Variants in SPATA31C1 observed in about 807,000 individuals in gnomAD.
The protein encoded by SPATA31C1 is SPATA31 subfamily C member 1, also known as spermatogenesis-associated protein 31C1.
chr9:87,921,690 G>A (rs775125172), exon 5 of SPATA31C1: 35 of 1,611,942 alleles, frequency 2.2e-5, no homozygotes, highest in Admixed American at 1.5e-4. Flanking sequence ...CCAGACCAAC[G>A]AGGGCTTGAT....
rs774188576 is a variant in SPATA31C1, at chr9:87,923,325, C to G, written n.3715C>G. ...CAACAGAGACAGACAAATCAGAGAT[C>G]AGCAGCCCTTGAAAAGTGTCCGGTG... is the stretch of plus-strand genomic sequence containing the variant. On this transcript the variant is annotated non_coding_transcript_exon_variant, in exon 5 of 5. Transcript: ENST00000420021. 6 of 1,602,400 alleles carry G rather than the reference C, an allele frequency of 3.7e-6. No homozygotes were observed. In the South Asian group the frequency reaches 6.6e-5, roughly 18 times the overall value.
intron 1 of SPATA31C1, among the ~76,000 whole-genome samples, chr9:87,915,959 G>C (rs1417204559): frequency 7.0e-6 from 1 of 142,592 alleles, no homozygotes; most frequent in African/African-American, 2.6e-5. Flanking sequence ...GTTATTCAGA[G>C]GGATTATTGC....
chr9:87,919,494 C>A, intron 3 of SPATA31C1, 146 bp downstream of exon 2: 1 of 1,296,290 alleles, frequency 7.7e-7, no homozygotes, highest in Non-Finnish European at 1.0e-6. Context: ...GATTCTGTGC[C>A]GCCGGAATGA....
chr9:87,916,656 C>T (rs1828728200), intron 1 of SPATA31C1, among the ~76,000 whole-genome samples: 1 of 134,938 alleles, frequency 7.4e-6, no homozygotes. Flanking sequence ...AAACTTTTAT[C>T]AGAGGAATGC....
exon 5 of SPATA31C1, chr9:87,923,289 C>CA (rs1185340636): frequency 6.2e-7 from 1 of 1,603,748 alleles, no homozygotes; most frequent in South Asian, 1.1e-5. Context: ...TCTCAAGAAC[C>CA]AGAGTCGTCC....
At chr9:87,920,475 G>A in exon 5 of SPATA31C1, 6 of 1,613,916 alleles carry the variant, frequency 3.7e-6, no homozygotes, top group Non-Finnish European at 5.1e-6. Flanking sequence ...GACCACCTCA[G>A]TCTCCTCCCT....
exon 5 of SPATA31C1, chr9:87,920,357 T>C (rs1261520562): frequency 1.2e-6 from 2 of 1,613,956 alleles, no homozygotes; most frequent in South Asian, 1.1e-5. Flanking sequence ...CCCGGTCCTC[T>C]CATGAGCCTA....
intron 1 of SPATA31C1, among the ~76,000 whole-genome samples, chr9:87,916,219 G>T (rs1179840581): frequency 7.3e-6 from 1 of 136,856 alleles, no homozygotes; most frequent in African/African-American, 2.7e-5. Context: ...ACCAATGGTG[G>T]TCAGATATGA....
In SPATA31C1 at chr9:87,921,016, T is replaced by C. The variant is rs1312046316; in HGVS notation, n.1406T>C. 6.8e-6 allele frequency: 11 copies of C among 1,612,128 alleles called. No homozygotes were observed. In the African/African-American group the frequency reaches 1.1e-4, roughly 16 times the overall value. On this transcript the variant is annotated non_coding_transcript_exon_variant, in exon 5 of 5. Transcript: ENST00000420021. ...CATCTTCAATCCTCTTTCCCAGTCC[T>C]ATCTCCTGCTTTTCTATCCCCGATG... is the stretch of plus-strand genomic sequence containing the variant.
chr9:87,920,222 G>C (rs1193886205), intron 4 of SPATA31C1, 30 bp from the exon 4 acceptor site: 1 of 1,611,598 alleles, frequency 6.2e-7, no homozygotes, highest in African/African-American at 1.3e-5. Flanking sequence ...CTGGCTCCTG[G>C]CTGCAGCTTG....
intron 2 of SPATA31C1, 65 bp from the exon 2 acceptor site, chr9:87,919,190 C>G (rs770587855): frequency 5.6e-6 from 9 of 1,593,162 alleles, no homozygotes; most frequent in South Asian, 1.1e-5. Context: ...ATGAGTGCAG[C>G]GTGCTGCGGC....
At position 87,922,510 on chromosome 9, in the gene SPATA31C1, G is replaced by C. The variant is rs775315903; in HGVS notation, n.2900G>C. 28 of 1,610,732 alleles carry C rather than the reference G, an allele frequency of 1.7e-5. No individual in the cohort carries two copies. In the African/African-American group the frequency reaches 3.1e-4, roughly 18 times the overall value. On this transcript the variant is annotated non_coding_transcript_exon_variant, in exon 5 of 5. Transcript: ENST00000420021. ...GAGGCTGTTAGTGAATTTGAGCCTG[G>C]AATGGCCACGAAGTCAGAGACCCAG... is the stretch of plus-strand genomic sequence containing the variant.
exon 5 of SPATA31C1, chr9:87,921,603 G>C (rs770900486): frequency 3.7e-6 from 6 of 1,612,010 alleles, no homozygotes; most frequent in South Asian, 1.1e-5. Flanking sequence ...GAGTGACTCA[G>C]GAAGTGATTT....
chr9:87,923,242 G>C, exon 5 of SPATA31C1: 1 of 1,603,570 alleles, frequency 6.2e-7, no homozygotes. Context: ...GACCACAGCA[G>C]AATGCTGAGC....
In SPATA31C1 at chr9:87,915,695, T is replaced by C. The variant is rs867995499; in HGVS notation, n.189+985T>C. On this transcript the variant is annotated intron_variant and non_coding_transcript_variant, in intron 1 of 4. Transcript: ENST00000420021. The stretch of plus-strand genomic sequence containing the variant: ...CTCCAGAACCACTGTACTATTGAAC[T>C]GATATTGCACTTTTTTCAAAAGTCA... Among the ~76,000 whole-genome samples, 1,009 of 142,848 alleles carry C rather than the reference T, an allele frequency of 7.1e-3. 53 individuals carry two copies. Among genetic ancestry groups the C allele is most frequent in the Non-Finnish European group, 0.011 (699 of 64,230 alleles). 93.7% of individuals were successfully genotyped at this position (142,848 alleles called of 152,430 possible).
exon 5 of SPATA31C1, chr9:87,920,975 G>A (rs1166390128): frequency 4.3e-6 from 7 of 1,612,842 alleles, no homozygotes; most frequent in Non-Finnish European, 5.9e-6. Context: ...CTATGGCTCA[G>A]GCCGAGGCTC....
chr9:87,922,847 G>A lies in SPATA31C1; in HGVS notation n.3237G>A. On this transcript the variant is annotated non_coding_transcript_exon_variant, in exon 5 of 5. Transcript: ENST00000420021. ...AACATGAAGAAATGTTTCAAGGATT[G>A]AGGACTCCTCAACTTACCCCAGGCA... 4.4e-6 allele frequency: 7 copies of A among 1,606,306 alleles called. No homozygotes were observed. The South Asian group carries it at 6.6e-5, about 15-fold the overall frequency.
chr9:87,922,884 G>T, exon 5 of SPATA31C1: 1 of 1,605,748 alleles, frequency 6.2e-7, no homozygotes, highest in Non-Finnish European at 8.5e-7. Flanking sequence ...AAAAACAGAA[G>T]ACACCCGTCA....
At chr9:87,916,612 A>G (rs1828726240) in intron 1 of SPATA31C1, among the ~76,000 whole-genome samples, 1 of 149,666 alleles carries the variant, frequency 6.7e-6, no homozygotes, top group African/African-American at 2.4e-5. Flanking sequence ...ATTTCACTGA[A>G]CAGGATAGAT....
Sources: allele counts gnomAD v4.1 joint callset (sites outside exome capture counted in the v4.1 genomes callset), GRCh38; gene constraint gnomAD v4.1.1; transcripts MANE v1.5; gene names NCBI Gene and HGNC (gene_info 2026-07-23, HGNC 2026-07-21).